The following CHRNA7 variants were observed in gnomAD, a reference collection of about 807,000 sequenced individuals.
CHRNA7 encodes the protein neuronal acetylcholine receptor subunit alpha-7.
CHRNA7 carries 17 observed loss-of-function variants against 48.0 expected under a neutral mutation model. The observed-to-expected ratio is 0.35, with a 90% confidence interval of 0.24 to 0.53. CHRNA7 has a LOEUF of 0.53. Among genes scored for constraint, CHRNA7 ranks in the 20% least tolerant of loss-of-function variants. The probability of loss-of-function intolerance (pLI) is 0.92; values close to 1 mark genes in which losing one functional copy is unlikely to be tolerated. For synonymous variants in CHRNA7, 75 were observed against 242.3 expected (o/e 0.31, Z 6.41); for missense variants, 155 against 577.7 (o/e 0.27, Z 7.50).
intron 3 of CHRNA7, among the ~76,000 whole-genome samples, chr15:32,107,949 TCTCA>T (rs2050698302): frequency 6.6e-6 from 1 of 152,120 alleles, no homozygotes; most frequent in South Asian, 2.1e-4. Context: ...AAGACACTCC[TCTCA>T]CTCAGGAAAT....
intron 4 of CHRNA7, among the ~76,000 whole-genome samples, chr15:32,116,066 G>C (rs756378397): frequency 5.3e-5 from 8 of 152,200 alleles, no homozygotes; most frequent in Non-Finnish European, 1.0e-4. Flanking sequence ...TCTAGGCGTG[G>C]AAAATAATAT....
At chr15:32,138,057 TG>T (rs2051304211) in intron 4 of CHRNA7, among the ~76,000 whole-genome samples, 1 of 151,124 alleles carries the variant, frequency 6.6e-6, no homozygotes, top group African/African-American at 2.4e-5. Context: ...TTAACTCCAA[TG>T]AAAAAAAGAA....
rs373765523 is a variant in CHRNA7 at position 32,047,437 on chromosome 15, C to A, written c.195+16400C>A. Among the ~76,000 whole-genome samples, 7 of 152,002 alleles carry A rather than the reference C, an allele frequency of 4.6e-5. No homozygotes were observed. In the South Asian group the frequency reaches 1.2e-3, roughly 27 times the overall value. On this transcript the variant is annotated intron_variant, in intron 2 of 9. Transcript: ENST00000306901. ...TATTTTATTCTCTTTGAAGCAATTG[C>A]GAATGGGAGTTCACTCATGATTTGG...
At chr15:32,106,984 G>A (rs566191705) in intron 3 of CHRNA7, among the ~76,000 whole-genome samples, 209 of 152,298 alleles carry the variant, frequency 1.4e-3, no homozygotes, top group Non-Finnish European at 7.2e-4. Flanking sequence ...GGGCTGTGAT[G>A]GCATCTCAAG....
At chr15:32,084,918 C>T (rs1021497011) in intron 2 of CHRNA7, among the ~76,000 whole-genome samples, 3 of 152,010 alleles carry the variant, frequency 2.0e-5, no homozygotes, top group African/African-American at 4.8e-5. Flanking sequence ...CTGCAACCTC[C>T]GCGTCCTGGG....
intron 3 of CHRNA7, among the ~76,000 whole-genome samples, chr15:32,110,706 G>A (rs568047434): frequency 4.6e-5 from 7 of 152,088 alleles, no homozygotes; most frequent in Non-Finnish European, 7.4e-5. Context: ...TGTTGTTTTC[G>A]TAACTTTGCG....
intron 4 of CHRNA7, among the ~76,000 whole-genome samples, chr15:32,115,548 T>C (rs776631447): frequency 7.9e-5 from 12 of 152,012 alleles, no homozygotes; most frequent in Non-Finnish European, 1.6e-4. Context: ...TTTGGCTCAT[T>C]GATGCACCAA....
intron 2 of CHRNA7, among the ~76,000 whole-genome samples, chr15:32,095,706 G>GA (rs1158090347): frequency 2.0e-5 from 3 of 152,066 alleles, no homozygotes; most frequent in African/African-American, 7.2e-5. Flanking sequence ...TAACCATTAT[G>GA]AAAAAAAGAT....
intron 2 of CHRNA7, among the ~76,000 whole-genome samples, chr15:32,053,842 T>C (rs915139620): frequency 6.6e-6 from 1 of 152,230 alleles, no homozygotes. Context: ...TGTGGCTGAC[T>C]ACTGGCTCTG....
At chr15:32,146,842 T>C (rs2051498773) in intron 4 of CHRNA7, among the ~76,000 whole-genome samples, 1 of 152,160 alleles carries the variant, frequency 6.6e-6, no homozygotes, top group African/African-American at 2.4e-5. Context: ...ACAAGTAAAT[T>C]TAAAATTTAC....
At chr15:32,048,097 A>G (rs1409631546) in intron 2 of CHRNA7, among the ~76,000 whole-genome samples, 4 of 152,196 alleles carry the variant, frequency 2.6e-5, no homozygotes, top group South Asian at 2.1e-4. Flanking sequence ...GGATTTTTGC[A>G]TCAATGTTCA....
chr15:32,107,073 C>T (rs2141271570), intron 3 of CHRNA7, among the ~76,000 whole-genome samples: 1 of 152,220 alleles, frequency 6.6e-6, no homozygotes, highest in Non-Finnish European at 1.5e-5. Context: ...AGGCTGCTTT[C>T]CTCCACTAAC....
At chr15:32,144,506 G>A (rs1031530043) in intron 4 of CHRNA7, among the ~76,000 whole-genome samples, 2 of 152,178 alleles carry the variant, frequency 1.3e-5, no homozygotes, top group African/African-American at 2.4e-5. Flanking sequence ...ATCCTGAAGG[G>A]TGTTTTCCAA....
intron 2 of CHRNA7, among the ~76,000 whole-genome samples, chr15:32,037,371 C>G (rs755029835): frequency 6.6e-6 from 1 of 152,146 alleles, no homozygotes; most frequent in Non-Finnish European, 1.5e-5. Flanking sequence ...ATCAGTCCTC[C>G]AACTTTGTCG....
At chr15:32,156,283 CTAT>C (rs2051737274) in intron 5 of CHRNA7, 1 of 103,190 alleles carries the variant, frequency 9.7e-6, no homozygotes, top group South Asian at 3.0e-4. Context: ...GGGGATCCAA[CTAT>C]TAATGGAGGG....
chr15:32,056,621 G>A (rs2049793011), intron 2 of CHRNA7, among the ~76,000 whole-genome samples: 1 of 152,106 alleles, frequency 6.6e-6, no homozygotes, highest in Non-Finnish European at 1.5e-5. Flanking sequence ...TATTTACAAA[G>A]TCAGTAGTAA....
At chr15:32,136,034 AAGG>A (rs2141326286) in intron 4 of CHRNA7, among the ~76,000 whole-genome samples, 1 of 152,310 alleles carries the variant, frequency 6.6e-6, no homozygotes, top group African/African-American at 2.4e-5. Flanking sequence ...ACATATACTA[AAGG>A]AGTTTACCGT....
Position 32,112,023 on chromosome 15 carries a change from A to T in CHRNA7, c.350+124A>T, listed in dbSNP as rs2050770420. 4 of 716,400 alleles carry T rather than the reference A, an allele frequency of 5.6e-6. No homozygotes were observed. The South Asian group carries it at 6.7e-5, about 12-fold the overall frequency. 44.4% of individuals were successfully genotyped at this position (716,400 alleles called of 1,614,324 possible). ...CTATGATCTGGGGCCACTGCTCCCTACACGGCTTTCCGAGCGGCCAGGCCT... is the reference window on the plus strand; with the variant it reads ...CTATGATCTGGGGCCACTGCTCCCTTCACGGCTTTCCGAGCGGCCAGGCCT... On this transcript the variant is annotated intron_variant, in intron 4 of 9. Transcript: ENST00000306901.
At chr15:32,069,028 T>C (rs898954800) in intron 2 of CHRNA7, among the ~76,000 whole-genome samples, 1 of 152,208 alleles carries the variant, frequency 6.6e-6, no homozygotes, top group Non-Finnish European at 1.5e-5. Context: ...GTGATACCCT[T>C]GTTTCTTGTG....
Sources: allele counts gnomAD v4.1 joint callset (sites outside exome capture counted in the v4.1 genomes callset), GRCh38; gene constraint gnomAD v4.1.1; transcripts MANE v1.5; gene names NCBI Gene and HGNC (gene_info 2026-07-23, HGNC 2026-07-21).